The following CFAP46 variants were observed in gnomAD, a reference collection of about 807,000 sequenced individuals.
CFAP46 encodes the protein cilia and flagella associated protein 46, also known as cilia- and flagella-associated protein 46.
In CFAP46, 245 loss-of-function variants were observed where a neutral mutation model predicts 325.7. The ratio of observed to expected loss-of-function variants is 0.75; its 90% CI spans 0.68 to 0.84. The LOEUF (loss-of-function observed/expected upper bound fraction) is 0.84. Among genes scored for constraint, CFAP46 ranks in the 40% least tolerant of loss-of-function variants. The pLI is 0.00. For synonymous variants in CFAP46, 1,523 were observed against 1,495.9 expected, an observed-to-expected ratio of 1.02 and a Z score of -0.42; for missense variants, 3,346 against 3,543.0, an observed-to-expected ratio of 0.94 and a Z score of 1.41.
intron 31 of CFAP46, among the ~76,000 whole-genome samples, chr10:132,874,563 G>T: frequency 1.1e-5 from 1 of 87,154 alleles, no homozygotes; most frequent in Non-Finnish European, 2.4e-5. Context: ...AAGCATTCAT[G>T]ACTAAAATTA....
chr10:132,849,628 TG>T (rs1848500706), intron 41 of CFAP46, among the ~76,000 whole-genome samples: 1 of 152,140 alleles, frequency 6.6e-6, no homozygotes, highest in Non-Finnish European at 1.5e-5. Context: ...TCAGCCCAGC[TG>T]GGCAGCCTTG....
intron 31 of CFAP46, among the ~76,000 whole-genome samples, chr10:132,873,204 A>G (rs547770612): frequency 6.6e-6 from 1 of 152,366 alleles, no homozygotes; most frequent in African/African-American, 2.4e-5. Context: ...CAAATTTAAT[A>G]TATAGAGAAG....
At chr10:132,933,734 C>T (rs1217714029) in intron 8 of CFAP46, among the ~76,000 whole-genome samples, 5 of 152,228 alleles carry the variant, frequency 3.3e-5, no homozygotes, top group Non-Finnish European at 4.4e-5. Flanking sequence ...AGACCACGAA[C>T]GTGCTGGCGT....
At chr10:132,921,473 C>T (rs1425974493) in intron 13 of CFAP46, among the ~76,000 whole-genome samples, 4 of 152,242 alleles carry the variant, frequency 2.6e-5, no homozygotes, top group Admixed American at 2.6e-4. Context: ...AAAGCCAGCT[C>T]AGGGTCTCCC....
At position 132,890,674 on chromosome 10, in the gene CFAP46, T is replaced by C. The variant is rs371858651; in HGVS notation, c.3304+1659A>G. 1.2e-4 allele frequency among the ~76,000 whole-genome samples: 18 copies of C among 152,144 alleles called. No homozygotes were observed. In the South Asian group the frequency reaches 3.8e-3, roughly 32 times the overall value. On this transcript the variant is annotated intron_variant, in intron 25 of 57. Transcript: ENST00000368586. ...CCTCAGGGAGGTGGGTCTGAGGCTG[T>C]ATCCCCATCTCCTGCTCAGCAACCC... is the stretch of plus-strand genomic sequence containing the variant.
rs1181040358 is a variant in CFAP46, at chr10:132,844,116, GC to G, written c.6438+1940del. Among the ~76,000 whole-genome samples, 4 of 136,604 alleles carry G rather than the reference GC, an allele frequency of 2.9e-5. No homozygotes were observed. In the Admixed American group the frequency reaches 3.0e-4, roughly 10 times the overall value. 89.6% of individuals were successfully genotyped at this position (136,604 alleles called of 152,430 possible). On this transcript the variant is annotated intron_variant, in intron 44 of 57. Coordinates refer to ENST00000368586, the MANE Select transcript of CFAP46 (RefSeq NM_001200049.3). ...TGGTCTCGGTGGGTGTTCCCAGGGTGCTGTGGAGCTGCTCCTGGTGGGTGTT... is the reference window on the plus strand; with the variant it reads ...TGGTCTCGGTGGGTGTTCCCAGGGTGTGTGGAGCTGCTCCTGGTGGGTGTT...
intron 24 of CFAP46, among the ~76,000 whole-genome samples, chr10:132,893,409 C>T (rs569064880): frequency 2.9e-4 from 44 of 152,318 alleles, no homozygotes; most frequent in Admixed American, 4.6e-4. Context: ...CAGAGGCTCA[C>T]GCCACTTGCA....
In CFAP46 at chr10:132,880,908, G is replaced by C; in HGVS notation, c.3752C>G (p.Ala1251Gly). The C allele has an allele frequency of 1.3e-6, 2 of 1,550,284 alleles. No individual in the cohort carries two copies. The highest frequency in any genetic ancestry group is 1.7e-6 in the Non-Finnish European group (2 of 1,146,984). ...AGGGACATCGCCGGGCGGCTTCATGGCCAGCAGGATCTCGACAGCCCAGCG... is the reference window on the plus strand; with the variant it reads ...AGGGACATCGCCGGGCGGCTTCATGCCCAGCAGGATCTCGACAGCCCAGCG... ...HLRWAVEILL[A>G]MKPPGDVPEP... Residue 1251 changes from alanine to glycine, a missense_variant, in exon 28 of 58, where the codon GCC becomes GGC. By Grantham distance (60) the Ala-to-Gly change is moderately conservative. Transcript: ENST00000368586.
At chr10:132,812,955 C>A in intron 54 of CFAP46, 58 bp from the exon 55 acceptor site, 2 of 1,369,682 alleles carry the variant, frequency 1.5e-6, no homozygotes, top group South Asian at 1.2e-5. Context: ...CAGACCCCAC[C>A]GTGCGTTCTT....
intron 4 of CFAP46, among the ~76,000 whole-genome samples, chr10:132,940,528 AAGG>A (rs1850080942): frequency 6.6e-6 from 1 of 151,960 alleles, no homozygotes; most frequent in African/African-American, 2.4e-5. Flanking sequence ...AACCGTGGGG[AAGG>A]AGAAGGCGCC....
intron 50 of CFAP46, among the ~76,000 whole-genome samples, chr10:132,819,538 C>T (rs1218574322): frequency 6.6e-6 from 1 of 152,196 alleles, no homozygotes; most frequent in Non-Finnish European, 1.5e-5. Context: ...GGTATAAAAG[C>T]AGACACTGGG....
intron 44 of CFAP46, among the ~76,000 whole-genome samples, chr10:132,837,307 G>A (rs1848268457): frequency 1.3e-5 from 2 of 152,348 alleles, no homozygotes; most frequent in African/African-American, 4.8e-5. Flanking sequence ...AGACATACAT[G>A]TACAGACACA....
chr10:132,868,847 C>G (rs539775791), intron 33 of CFAP46, among the ~76,000 whole-genome samples: 2 of 152,268 alleles, frequency 1.3e-5, no homozygotes, highest in Non-Finnish European at 2.9e-5. Flanking sequence ...ATTTGCTACA[C>G]TAACGAGAGT....
In CFAP46 at chr10:132,912,720, G is replaced by T. The variant is rs868499197; in HGVS notation, c.2434C>A (p.Arg812=). ...QAAEKSRKFM[R]PNAFHSPLDA... ...AGTGGGCTGTGAAACGCGTTTGGTCGCATGAATTTCCTGGACTTCTCGGCA... is the reference window on the plus strand; with the variant it reads ...AGTGGGCTGTGAAACGCGTTTGGTCTCATGAATTTCCTGGACTTCTCGGCA... The change falls in exon 19 of 58, where the codon CGA becomes AGA. Residue 812 remains arginine (R), a synonymous_variant. Coordinates refer to ENST00000368586, the MANE Select transcript of CFAP46 (RefSeq NM_001200049.3). 5 of 1,550,020 alleles carry T rather than the reference G, an allele frequency of 3.2e-6. No individual in the cohort carries two copies. Among genetic ancestry groups the T allele is most frequent in the Admixed American group, 2.0e-5 (1 of 50,978 alleles).
At chr10:132,810,645 C>A in intron 56 of CFAP46, 156 bp from the exon 57 acceptor site, 1 of 766,668 alleles carries the variant, frequency 1.3e-6, no homozygotes, top group Non-Finnish European at 2.3e-6. Flanking sequence ...CACTGGTTTG[C>A]CAGGATGCTC....
chr10:132,854,485 C>T (rs1486584113), intron 39 of CFAP46, among the ~76,000 whole-genome samples: 2 of 152,038 alleles, frequency 1.3e-5, no homozygotes, highest in African/African-American at 4.8e-5. Flanking sequence ...TTACAGGCGC[C>T]CGCCACCATG....
chr10:132,912,942 G>T, intron 18 of CFAP46, 104 bp downstream of exon 18: 2 of 1,484,884 alleles, frequency 1.3e-6, no homozygotes, highest in Non-Finnish European at 1.8e-6. Flanking sequence ...ACCCTCCTCT[G>T]CTGGGACACA....
intron 50 of CFAP46, among the ~76,000 whole-genome samples, chr10:132,830,932 T>C (rs1057156005): frequency 2.6e-5 from 4 of 152,382 alleles, no homozygotes; most frequent in East Asian, 3.9e-4. Flanking sequence ...CATAAAGTCC[T>C]TCTTGCGCTT....
intron 31 of CFAP46, among the ~76,000 whole-genome samples, chr10:132,875,703 C>CCA (rs1848948419): frequency 6.6e-6 from 1 of 152,114 alleles, no homozygotes; most frequent in Non-Finnish European, 1.5e-5. Context: ...CTACCTCACA[C>CCA]CACACACACA....
Sources: allele counts gnomAD v4.1 joint callset (sites outside exome capture counted in the v4.1 genomes callset), GRCh38; gene constraint gnomAD v4.1.1; transcripts MANE v1.5; gene names NCBI Gene and HGNC (gene_info 2026-07-23, HGNC 2026-07-21).